Variants in SCCPDH observed in about 807,000 individuals in gnomAD.
SCCPDH encodes the protein saccharopine dehydrogenase (putative).
In SCCPDH, 34 loss-of-function variants were observed where a neutral mutation model predicts 51.5. The ratio of observed to expected loss-of-function variants is 0.66; its 90% CI spans 0.50 to 0.88. SCCPDH has a LOEUF of 0.88. Among genes scored for constraint, SCCPDH ranks in the 40% least tolerant of loss-of-function variants. SCCPDH has a pLI of 0.00. For missense variants in SCCPDH, 464 were observed against 527.1 expected (o/e 0.88, Z 1.17); for synonymous variants, 187 against 191.3 (o/e 0.98, Z 0.19).
intron 2 of SCCPDH, among the ~76,000 whole-genome samples, chr1:246,732,195 T>C (rs908607929): frequency 2.0e-5 from 3 of 152,184 alleles, no homozygotes; most frequent in Non-Finnish European, 4.4e-5. Flanking sequence ...CAATTTGTTA[T>C]GTATTTGGAG....
At chr1:246,736,142 A>G (rs1272754991) in intron 3 of SCCPDH, 87 bp downstream of exon 3, 5 of 859,020 alleles carry the variant, frequency 5.8e-6, no homozygotes, top group East Asian at 2.6e-5. Flanking sequence ...TTTTGCAGAC[A>G]TATTTAGAAG....
intron 1 of SCCPDH, among the ~76,000 whole-genome samples, chr1:246,726,425 A>G (rs1364714728): frequency 6.6e-6 from 1 of 150,682 alleles, no homozygotes; most frequent in Non-Finnish European, 1.5e-5. Flanking sequence ...TTTAGTAGAG[A>G]CAAGGTCTTG....
intron 5 of SCCPDH, among the ~76,000 whole-genome samples, chr1:246,748,010 C>T (rs371690638): frequency 2.0e-5 from 3 of 152,156 alleles, no homozygotes; most frequent in Non-Finnish European, 4.4e-5. Context: ...CTGAAACCTT[C>T]GAAGAGGAAT....
At chr1:246,761,113 G>A (rs1280429856) in intron 9 of SCCPDH, among the ~76,000 whole-genome samples, 1 of 151,328 alleles carries the variant, frequency 6.6e-6, no homozygotes, top group African/African-American at 2.4e-5. Flanking sequence ...TGCACTTAAC[G>A]TAGCATCATT....
Position 246,767,294 on chromosome 1 carries a change from A to G in SCCPDH, c.1284A>G (p.Glu428=), listed in dbSNP as rs1669099522. The change falls in exon 12 of 12, where the codon GAA becomes GAG. Residue 428 remains glutamate, a synonymous_variant. Transcript: ENST00000366510. ...AGTTTAGTGTTATTAGCAGCTCTGA[A>G]GTCTAAACACTGGAAGAATTAACTG... ...GIEFSVISSS[E]V is the part of the protein sequence containing the mutation. The G allele has an allele frequency of 3.2e-6, 5 of 1,579,078 alleles. No homozygotes were observed. Among genetic ancestry groups the G allele is most frequent in the Middle Eastern group, 1.7e-4 (1 of 5,950 alleles).
chr1:246,731,976 T>A (rs150577874), intron 2 of SCCPDH, among the ~76,000 whole-genome samples: 1 of 152,158 alleles, frequency 6.6e-6, no homozygotes, highest in East Asian at 1.9e-4. Flanking sequence ...TGGTTTTCTG[T>A]CCTTGTGATA....
intron 5 of SCCPDH, among the ~76,000 whole-genome samples, chr1:246,747,649 C>G (rs1185753253): frequency 3.9e-5 from 6 of 152,188 alleles, no homozygotes; most frequent in Non-Finnish European, 8.8e-5. Flanking sequence ...GTGTTCTTAT[C>G]CCTGACACAG....
chr1:246,738,017 G>A (rs140725729), intron 3 of SCCPDH, among the ~76,000 whole-genome samples: 3,097 of 152,226 alleles, frequency 0.02, 57 homozygotes, highest in Non-Finnish European at 0.032. Context: ...CCAACATGGC[G>A]AAACCCCATC....
intron 3 of SCCPDH, 88 bp downstream of exon 3, chr1:246,736,143 T>C: frequency 1.2e-6 from 1 of 845,832 alleles, no homozygotes; most frequent in South Asian, 1.5e-5. Flanking sequence ...TTTGCAGACA[T>C]ATTTAGAAGC....
At chr1:246,729,788 A>G (rs1384755547) in intron 2 of SCCPDH, among the ~76,000 whole-genome samples, 1 of 151,634 alleles carries the variant, frequency 6.6e-6, no homozygotes, top group Non-Finnish European at 1.5e-5. Context: ...AATCTTCACA[A>G]TTTATGTCCA....
intron 3 of SCCPDH, 152 bp from the exon 4 acceptor site, chr1:246,740,020 T>C (rs1055060497): frequency 3.8e-6 from 2 of 524,724 alleles, no homozygotes; most frequent in South Asian, 8.9e-5. Context: ...GCCGAATAAG[T>C]GGAAAATATT....
chr1:246,759,899 C>G (rs1488449148), intron 7 of SCCPDH, 58 bp from the exon 8 acceptor site: 1 of 1,552,574 alleles, frequency 6.4e-7, no homozygotes, highest in East Asian at 2.3e-5. Context: ...AACTAACATT[C>G]TTACTTGGTC....
Position 246,730,115 on chromosome 1 carries a change from G to A in SCCPDH, c.303+3111G>A, listed in dbSNP as rs1668470175. Among the ~76,000 whole-genome samples the A allele has an allele frequency of 2.6e-5, 4 of 151,960 alleles. No individual in the cohort carries two copies. The South Asian group carries it at 8.3e-4, about 32-fold the overall frequency. On this transcript the variant is annotated intron_variant, in intron 2 of 11. Transcript: ENST00000366510. ...GTGCCCCCTTTTTAGCAGCCTCCTT[G>A]GAAGAATTCTCATGACTCACTATCT...
chr1:246,725,414 C>T (rs1273997928), intron 1 of SCCPDH, among the ~76,000 whole-genome samples: 2 of 152,162 alleles, frequency 1.3e-5, no homozygotes, highest in African/African-American at 4.8e-5. Flanking sequence ...GACAGACACA[C>T]GGATCCTGCT....
chr1:246,758,141 T>C, intron 5 of SCCPDH, 85 bp from the exon 6 acceptor site: 1 of 1,012,106 alleles, frequency 9.9e-7, no homozygotes, highest in Non-Finnish European at 1.4e-6. Context: ...AGTGAAATAT[T>C]GTTTGTAACA....
intron 5 of SCCPDH, among the ~76,000 whole-genome samples, chr1:246,751,183 CCTTT>C (rs753207323): frequency 1.1e-4 from 17 of 152,196 alleles, no homozygotes; most frequent in South Asian, 4.1e-4. Flanking sequence ...CTAAATGTCA[CCTTT>C]CTATTAGTGT....
intron 1 of SCCPDH, 77 bp downstream of exon 1, chr1:246,724,689 C>T (rs1216164890): frequency 1.5e-6 from 2 of 1,304,226 alleles, no homozygotes; most frequent in Admixed American, 3.4e-5. Flanking sequence ...GAGCGTTTCT[C>T]CCGCAGGGAT....
chr1:246,755,333 G>A (rs940727535), intron 5 of SCCPDH, among the ~76,000 whole-genome samples: 1 of 152,072 alleles, frequency 6.6e-6, no homozygotes, highest in African/African-American at 2.4e-5. Context: ...AAACTCAAAG[G>A]GCTGAGAACA....
In SCCPDH at chr1:246,740,284, C is replaced by A; in HGVS notation, c.497C>A (p.Thr166Asn). Residue 166 changes from threonine to asparagine, a missense_variant, in exon 4 of 12, where the codon ACC becomes AAC. Coordinates refer to ENST00000366510, the MANE Select transcript of SCCPDH (RefSeq NM_016002.3). ...CCAGCAGATCTGGGAGTAATATATA[C>A]CAGAAATAAAATGAATGGTAATTAT... ...SIPADLGVIY[T>N]RNKMNGTLTA... 1.3e-6 allele frequency: 2 copies of A among 1,593,422 alleles called. No individual in the cohort carries two copies. Among genetic ancestry groups the A allele is most frequent in the South Asian group, 1.1e-5 (1 of 88,086 alleles).
Sources: allele counts gnomAD v4.1 joint callset (sites outside exome capture counted in the v4.1 genomes callset), GRCh38; gene constraint gnomAD v4.1.1; transcripts MANE v1.5; gene names NCBI Gene and HGNC (gene_info 2026-07-23, HGNC 2026-07-21).